IBTK: variants seen among roughly 807,000 people sequenced by gnomAD.
The protein encoded by IBTK is inhibitor of Bruton tyrosine kinase.
IBTK carries 83 observed loss-of-function variants against 154.9 expected under a neutral mutation model. The ratio of observed to expected loss-of-function variants is 0.54; its 90% CI spans 0.45 to 0.64. The LOEUF is 0.64. IBTK is among the 30% of genes least tolerant of loss of function. IBTK has a pLI of 0.00. For synonymous variants in IBTK, 515 were observed against 536.1 expected, an observed-to-expected ratio of 0.96 and a Z score of 0.54; for missense variants, 1,332 against 1,584.6, an observed-to-expected ratio of 0.84 and a Z score of 2.71.
At chr6:82,245,672 T>G (rs900417433) in intron 1 of IBTK, among the ~76,000 whole-genome samples, 3 of 152,068 alleles carry the variant, frequency 2.0e-5, no homozygotes, top group Non-Finnish European at 4.4e-5. Flanking sequence ...ATTCCAAAAT[T>G]TCTAAATAAT....
chr6:82,217,713 C>T (rs1769922736), intron 10 of IBTK, among the ~76,000 whole-genome samples: 1 of 152,142 alleles, frequency 6.6e-6, no homozygotes, highest in African/African-American at 2.4e-5. Flanking sequence ...ATTCATACAA[C>T]AGGTGATTTA....
Position 82,191,085 on chromosome 6 carries a change from G to A in IBTK, c.3563C>T (p.Pro1188Leu). 1 of 1,566,762 alleles carries A rather than the reference G, an allele frequency of 6.4e-7. No individual in the cohort carries two copies. Among genetic ancestry groups the A allele is most frequent in the South Asian group, 1.2e-5 (1 of 84,790 alleles). Residue 1188 changes from proline to leucine, a missense_variant, in exon 25 of 29, where the codon CCA becomes CTA. By Grantham distance (98) the Pro-to-Leu change is moderately conservative. Around this residue, in one of 3 missense-constraint regions of IBTK, gnomAD observed 1,134 missense variants for 1,274.7 expected, o/e 0.89. Coordinates refer to ENST00000306270, the MANE Select transcript of IBTK (RefSeq NM_015525.4). ...VLFTPSKAPK[P>L]VNAWASSLHS... is the part of the protein sequence containing the mutation. ...AATAAGAGCATACCATGCATTCACTGGTTTGGGGGCTTTTGAAGGAGTGAA... is the reference window on the plus strand; with the variant it reads ...AATAAGAGCATACCATGCATTCACTAGTTTGGGGGCTTTTGAAGGAGTGAA...
At chr6:82,173,527 ACTC>A in intron 26 of IBTK, 89 bp from the exon 27 acceptor site, 1 of 1,005,422 alleles carries the variant, frequency 9.9e-7, no homozygotes, top group Non-Finnish European at 1.5e-6. Flanking sequence ...AGAATTGTAA[ACTC>A]CTGACTCCAG....
In IBTK at chr6:82,172,276, T is replaced by C. The variant is rs1217195270; in HGVS notation, c.3930+104A>G. 5.4e-6 allele frequency: 6 copies of C among 1,114,908 alleles called. No homozygotes were observed. In the East Asian group the frequency reaches 9.7e-5, roughly 18 times the overall value. 69.1% of individuals were successfully genotyped at this position (1,114,908 alleles called of 1,614,324 possible). A position where few individuals can be genotyped will look rare whatever the true frequency, so the allele number is the denominator to read the frequency against. On this transcript the variant is annotated intron_variant, in intron 28 of 28. Transcript: ENST00000306270. Reference sequence around the variant, plus strand: ...ACCTGGCATTTACATTTTAATTTCATAGATACAAGCACCTGTCCAAAACAA... The same window carrying C: ...ACCTGGCATTTACATTTTAATTTCACAGATACAAGCACCTGTCCAAAACAA...
intron 10 of IBTK, among the ~76,000 whole-genome samples, chr6:82,217,678 T>C (rs1485427278): frequency 6.6e-6 from 1 of 152,220 alleles, no homozygotes; most frequent in Non-Finnish European, 1.5e-5. Flanking sequence ...TTCTTGATTT[T>C]GTTCTGGCAC....
intron 21 of IBTK, among the ~76,000 whole-genome samples, chr6:82,197,562 A>G (rs1448342111): frequency 6.6e-6 from 1 of 151,966 alleles, no homozygotes. Context: ...TACTAGAGAC[A>G]GCGTTTCACC....
rs1770899500 is a variant in IBTK, at chr6:82,240,506, C to T, written c.-20G>A. The T allele has an allele frequency of 1.9e-6, 3 of 1,590,530 alleles. No homozygotes were observed. The highest frequency in any genetic ancestry group is 2.6e-6 in the Non-Finnish European group (3 of 1,166,992). On this transcript the variant is annotated 5_prime_UTR_variant, in exon 2 of 29. The change creates a new upstream start codon in the 5' untranslated region. Coordinates refer to ENST00000306270, the MANE Select transcript of IBTK (RefSeq NM_015525.4). ...ACTCATCCTAACTGTTTTTATACCA[C>T]TTACTTCAGAATCGTGAAAACTAAT...
intron 4 of IBTK, among the ~76,000 whole-genome samples, chr6:82,229,445 A>G (rs1007015329): frequency 6.6e-6 from 1 of 152,162 alleles, no homozygotes; most frequent in African/African-American, 2.4e-5. Flanking sequence ...CAGCTCATGA[A>G]ATAAAGGTAT....
chr6:82,221,209 A>C lies in IBTK; in HGVS notation c.1125-496T>G, dbSNP rs1226441908. On this transcript the variant is annotated intron_variant, in intron 8 of 28. Coordinates refer to ENST00000306270, the MANE Select transcript of IBTK (RefSeq NM_015525.4). The stretch of plus-strand genomic sequence containing the variant: ...CATGGTGATGCGCCCCTGTAGTCCC[A>C]GCTACTCGGGAGGGTGAGGGAGAAG... Among the ~76,000 whole-genome samples the C allele has an allele frequency of 1.3e-5, 2 of 152,158 alleles. 1 individual carries two copies. The highest frequency in any genetic ancestry group is 4.1e-4 in the South Asian group (2 of 4,834).
chr6:82,213,864 A>C (rs1769752459), intron 12 of IBTK, among the ~76,000 whole-genome samples: 1 of 152,140 alleles, frequency 6.6e-6, no homozygotes, highest in South Asian at 2.1e-4. Context: ...AGAGAGAGGA[A>C]GAGGAGGGGA....
At chr6:82,210,641 A>C in intron 16 of IBTK, among the ~76,000 whole-genome samples, 173 bp downstream of exon 16, 1 of 152,110 alleles carries the variant, frequency 6.6e-6, no homozygotes, top group South Asian at 2.1e-4. Context: ...CCTGGGCAAC[A>C]TAGTAAGACC....
At chr6:82,245,246 T>C (rs372009153) in intron 1 of IBTK, among the ~76,000 whole-genome samples, 13 of 152,068 alleles carry the variant, frequency 8.5e-5, no homozygotes, top group African/African-American at 2.9e-4. Context: ...AGATAAACTA[T>C]GTATAAACTA....
rs1369832900 is a variant in IBTK at position 82,211,520 on chromosome 6, A to G, written c.2344T>C (p.Cys782Arg). Residue 782 changes from cysteine (C) to arginine (R), a missense_variant, in exon 14 of 29, where the codon TGT becomes CGT. Physicochemically the swap from Cys to Arg is radical, Grantham distance 180 (BLOSUM62 -3). Transcript: ENST00000306270. ...MKSVDGKEFP[C>R]HKCVLCARLE... ...CTAGCACAAAGAACACATTTATGACAAGGAAATTCCTTTCCATCCACTGAT... is the reference window on the plus strand; with the variant it reads ...CTAGCACAAAGAACACATTTATGACGAGGAAATTCCTTTCCATCCACTGAT... 3.1e-6 allele frequency: 5 copies of G among 1,613,814 alleles called. No homozygotes were observed. Among genetic ancestry groups the G allele is most frequent in the Non-Finnish European group, 4.2e-6 (5 of 1,179,768 alleles).
rs76244777 is a variant in IBTK, at chr6:82,196,847, C to T, written c.3026-401G>A. Among the ~76,000 whole-genome samples the T allele has an allele frequency of 7.9e-3, 1,207 of 152,288 alleles. 19 individuals are homozygous for T. The highest frequency in any genetic ancestry group is 0.027 in the African/African-American group (1,107 of 41,556). ...GTCTCTTGGTACAGTGGTCTCCGCACCCAAGCAAGGGGGTAGCTTCATTCT... is the reference window on the plus strand; with the variant it reads ...GTCTCTTGGTACAGTGGTCTCCGCATCCAAGCAAGGGGGTAGCTTCATTCT... On this transcript the variant is annotated intron_variant, in intron 21 of 28. Coordinates refer to ENST00000306270, the MANE Select transcript of IBTK (RefSeq NM_015525.4).
In IBTK at chr6:82,194,558, T is replaced by G; in HGVS notation, c.3259A>C (p.Lys1087Gln). The G allele has an allele frequency of 6.2e-7, 1 of 1,612,096 alleles. No individual in the cohort carries two copies. The highest frequency in any genetic ancestry group is 8.5e-7 in the Non-Finnish European group (1 of 1,178,860). ...LKPWEKSPIL[K>Q]ISAPQPIPSN... ...GGAATAGGCTGTGGAGCAGATATTT[T>G]AAGTATTGGTGACTTTTCCCATGGT... is the stretch of plus-strand genomic sequence containing the variant. The change falls in exon 23 of 29, where the codon AAA (lysine) becomes CAA (glutamine). Residue 1087 changes from lysine (K) to glutamine (Q), a missense_variant. Lys to Gln is a moderately conservative substitution (Grantham distance 53, BLOSUM62 1). Around this residue, in one of 3 missense-constraint regions of IBTK, gnomAD observed 1,134 missense variants for 1,274.7 expected, o/e 0.89. Coordinates refer to ENST00000306270, the MANE Select transcript of IBTK (RefSeq NM_015525.4).
intron 25 of IBTK, among the ~76,000 whole-genome samples, chr6:82,184,900 G>C (rs1320953485): frequency 1.3e-5 from 2 of 151,884 alleles, no homozygotes; most frequent in Non-Finnish European, 2.9e-5. Context: ...CAGTTACATC[G>C]GCTGGGCGTG....
intron 15 of IBTK, among the ~76,000 whole-genome samples, chr6:82,211,164 A>G (rs1255563339): frequency 1.3e-5 from 2 of 152,184 alleles, no homozygotes; most frequent in Admixed American, 6.5e-5. Flanking sequence ...ATAACGGGGA[A>G]ATTTTTATTT....
chr6:82,232,719 T>G (rs184836726), intron 3 of IBTK, among the ~76,000 whole-genome samples: 1 of 152,156 alleles, frequency 6.6e-6, no homozygotes, highest in Non-Finnish European at 1.5e-5. Flanking sequence ...AATGTGTGAA[T>G]AAAAAAATAA....
In IBTK at chr6:82,233,161, A is replaced by G. The variant is rs528971445; in HGVS notation, c.418+998T>C. On this transcript the variant is annotated intron_variant, in intron 3 of 28. Transcript: ENST00000306270. The stretch of plus-strand genomic sequence containing the variant: ...AACAAGAGCGAAACTGTCTCAAAAA[A>G]AAAAAAAAAAAAAAAATTAATTGGG... Among the ~76,000 whole-genome samples, 3 of 151,602 alleles carry G rather than the reference A, an allele frequency of 2.0e-5. No homozygotes were observed. In the East Asian group the frequency reaches 5.8e-4, roughly 29 times the overall value.
Sources: allele counts gnomAD v4.1 joint callset (sites outside exome capture counted in the v4.1 genomes callset), GRCh38; gene constraint gnomAD v4.1.1; regional missense constraint gnomAD v4.1.1; transcripts MANE v1.5; gene names NCBI Gene and HGNC (gene_info 2026-07-23, HGNC 2026-07-21).